The following COL15A1 variants were observed in gnomAD, a reference collection of about 807,000 sequenced individuals.
COL15A1 encodes collagen alpha-1(XV) chain.
A neutral mutation model predicts 165.9 loss-of-function variants in COL15A1; 111 were observed. The ratio of observed to expected loss-of-function variants is 0.67; its 90% CI spans 0.57 to 0.78. COL15A1 has a LOEUF of 0.78. Ranked by LOEUF, COL15A1 falls within the 30% of genes least tolerant of loss-of-function variation. The pLI, the probability that COL15A1 is intolerant of heterozygous loss-of-function variation, is 0.00. For synonymous variants in COL15A1, 659 were observed against 674.8 expected, an observed-to-expected ratio of 0.98 and a Z score of 0.36; for missense variants, 1,745 against 1,789.7, an observed-to-expected ratio of 0.98 and a Z score of 0.45.
intron 2 of COL15A1, among the ~76,000 whole-genome samples, chr9:98,968,274 A>C (rs1185058149): frequency 6.6e-6 from 1 of 152,242 alleles, no homozygotes; most frequent in Non-Finnish European, 1.5e-5. Context: ...TGAATGTGTG[A>C]GTTTCCTAGG....
intron 2 of COL15A1, among the ~76,000 whole-genome samples, chr9:98,968,605 C>G (rs1169855474): frequency 6.6e-6 from 1 of 152,180 alleles, no homozygotes; most frequent in African/African-American, 2.4e-5. Flanking sequence ...GCAGGATGAT[C>G]TTTTTATCTC....
At chr9:98,976,194 TGAATTG>T (rs1838140069) in intron 2 of COL15A1, among the ~76,000 whole-genome samples, 1 of 152,170 alleles carries the variant, frequency 6.6e-6, no homozygotes, top group Admixed American at 6.5e-5. Context: ...ATCAAATTCA[TGAATTG>T]GAAAAGTAAG....
At chr9:99,024,742 C>T in intron 14 of COL15A1, 132 bp from the exon 15 acceptor site, 2 of 1,002,490 alleles carry the variant, frequency 2.0e-6, no homozygotes, top group Non-Finnish European at 2.9e-6. Context: ...TTATTTTCCG[C>T]ATCTGCTAAG....
In COL15A1 at chr9:98,996,298, C is replaced by A. The variant is rs569148901; in HGVS notation, c.805-636C>A. Among the ~76,000 whole-genome samples, 10 of 152,302 alleles carry A rather than the reference C, an allele frequency of 6.6e-5. No homozygotes were observed. The East Asian group carries it at 1.9e-3, about 29-fold the overall frequency. On this transcript the variant is annotated intron_variant, in intron 5 of 41. Transcript: ENST00000375001. ...GAATGCTGACAAGCGCTGGGTCCCGCGAGCTGCTGCTTGGGTCCAGGGGTG... is the reference window on the plus strand; with the variant it reads ...GAATGCTGACAAGCGCTGGGTCCCGAGAGCTGCTGCTTGGGTCCAGGGGTG...
At chr9:99,022,867 G>A (rs1285529147) in intron 13 of COL15A1, among the ~76,000 whole-genome samples, 1 of 152,236 alleles carries the variant, frequency 6.6e-6, no homozygotes, top group African/African-American at 2.4e-5. Context: ...CTCTCTGGGT[G>A]CTCGGCCTCC....
intron 2 of COL15A1, among the ~76,000 whole-genome samples, chr9:98,958,205 G>A (rs764049690): frequency 1.3e-5 from 2 of 152,240 alleles, no homozygotes; most frequent in African/African-American, 2.4e-5. Flanking sequence ...CTGGGCCTCA[G>A]TTTCCCCATC....
chr9:98,962,820 G>A (rs770722697), intron 2 of COL15A1, among the ~76,000 whole-genome samples: 4 of 152,152 alleles, frequency 2.6e-5, no homozygotes, highest in African/African-American at 4.8e-5. Flanking sequence ...AGATGGAGAT[G>A]GTCACTGCCC....
rs550047085 is a variant in COL15A1, at chr9:99,054,824, G to A, written c.3031+168G>A. Among the ~76,000 whole-genome samples the A allele has an allele frequency of 7.4e-4, 113 of 152,300 alleles. No individual in the cohort carries two copies. In the South Asian group the frequency reaches 0.011, roughly 15 times the overall value. ...AAGCATGGGCCTGGCATGTCCAATA[G>A]GGAACATTGTCAAGAGAGACCAGAA... On this transcript the variant is annotated intron_variant, in intron 32 of 41. Coordinates refer to ENST00000375001, the MANE Select transcript of COL15A1 (RefSeq NM_001855.5).
chr9:98,953,761 G>C (rs1207669287), intron 2 of COL15A1, among the ~76,000 whole-genome samples: 1 of 152,128 alleles, frequency 6.6e-6, no homozygotes, highest in East Asian at 1.9e-4. Context: ...CTGGCCTTAG[G>C]CCTCTCTAGG....
rs534014462 is a variant in COL15A1 at position 98,971,834 on chromosome 9, G to A, written c.101-13731G>A. On this transcript the variant is annotated intron_variant, in intron 2 of 41. Coordinates refer to ENST00000375001, the MANE Select transcript of COL15A1 (RefSeq NM_001855.5). ...GTCACCCCATGCTCTCAGCAGAGCCGGGTCACAGGATGGGGGAGCCACCCC... is the reference window on the plus strand; with the variant it reads ...GTCACCCCATGCTCTCAGCAGAGCCAGGTCACAGGATGGGGGAGCCACCCC... Among the ~76,000 whole-genome samples the A allele has an allele frequency of 5.9e-5, 9 of 152,310 alleles. No individual in the cohort carries two copies. In the East Asian group the frequency reaches 1.2e-3, roughly 20 times the overall value.
Position 99,023,431 on chromosome 9 carries a change from C to A in COL15A1, c.1836C>A (p.Gly612=). 1 of 1,430,736 alleles carries A rather than the reference C, an allele frequency of 7.0e-7. No individual in the cohort carries two copies. The highest frequency in any genetic ancestry group is 9.9e-7 in the Non-Finnish European group (1 of 1,013,760). 88.6% of individuals were successfully genotyped at this position (1,430,736 alleles called of 1,614,324 possible). Residue 612 remains glycine (G), a synonymous_variant, in exon 14 of 42, where the codon GGC becomes GGA. Coordinates refer to ENST00000375001, the MANE Select transcript of COL15A1 (RefSeq NM_001855.5). ...GCTCTGGCTCTGGTGACCTGGTGGGCAGTGAGCAGCTGCTGAGAGTGAGTG... is the reference window on the plus strand; with the variant it reads ...GCTCTGGCTCTGGTGACCTGGTGGGAAGTGAGCAGCTGCTGAGAGTGAGTG... The part of the protein sequence containing the change: ...DVGSGSGDLV[G]SEQLLRGPPG...
At chr9:98,979,978 G>A (rs951785627) in intron 2 of COL15A1, among the ~76,000 whole-genome samples, 3 of 152,018 alleles carry the variant, frequency 2.0e-5, no homozygotes, top group Non-Finnish European at 2.9e-5. Context: ...GCAATATAGC[G>A]AGACCCTGTC....
chr9:98,984,274 T>A (rs1838274517), intron 2 of COL15A1, among the ~76,000 whole-genome samples: 2 of 152,214 alleles, frequency 1.3e-5, no homozygotes, highest in African/African-American at 2.4e-5. Context: ...GTACCTTGGA[T>A]GTCAACTCAG....
Position 98,959,188 on chromosome 9 carries a change from C to CG in COL15A1, c.100+14939dup, listed in dbSNP as rs1037350599. On this transcript the variant is annotated intron_variant, in intron 2 of 41. Transcript: ENST00000375001. ...GGAGGATCTCTTGAAGCCAGGAGTT[C>CG]GAGACCAGCCTAGGCAACATAGTGA... Among the ~76,000 whole-genome samples, 3 of 131,596 alleles carry CG rather than the reference C, an allele frequency of 2.3e-5. No individual in the cohort carries two copies. The Admixed American group carries it at 2.7e-4, about 12-fold the overall frequency. 86.3% of individuals were successfully genotyped at this position (131,596 alleles called of 152,430 possible).
chr9:99,024,202 A>G (rs888558569), intron 14 of COL15A1, among the ~76,000 whole-genome samples: 1 of 152,052 alleles, frequency 6.6e-6, no homozygotes, highest in Non-Finnish European at 1.5e-5. Flanking sequence ...CAGCCAACCC[A>G]GCAATGGGCT....
intron 2 of COL15A1, among the ~76,000 whole-genome samples, chr9:98,970,056 A>G (rs1008008555): frequency 3.3e-5 from 5 of 152,078 alleles, no homozygotes; most frequent in African/African-American, 1.2e-4. Context: ...AAAAAAAAAA[A>G]AAAAAGTCTC....
Position 99,063,066 on chromosome 9 carries a change from C to T in COL15A1, c.3608C>T (p.Pro1203Leu). The T allele has an allele frequency of 6.3e-7, 1 of 1,590,138 alleles. No homozygotes were observed. The highest frequency in any genetic ancestry group is 8.5e-7 in the Non-Finnish European group (1 of 1,172,318). ...TCATAACAGCCACATCAGCTTCTGC[C>T]TCCACCAAACCCTATTTCAAGTGCC... ...ALSSNPHQLL[P>L]PPNPISSANY... Residue 1203 changes from proline (P) to leucine (L), a missense_variant, in exon 39 of 42, where the codon CCT becomes CTT. Coordinates refer to ENST00000375001, the MANE Select transcript of COL15A1 (RefSeq NM_001855.5).
intron 35 of COL15A1, among the ~76,000 whole-genome samples, chr9:99,058,429 C>T (rs1423729334): frequency 6.6e-6 from 1 of 152,048 alleles, no homozygotes; most frequent in Non-Finnish European, 1.5e-5. Context: ...GAAGAAGGTG[C>T]CGAGTGTATG....
rs747464228 is a variant in COL15A1, at chr9:99,006,260, A to G, written c.1353+1210A>G. Among the ~76,000 whole-genome samples the G allele has an allele frequency of 8.5e-4, 129 of 152,366 alleles. 1 individual carries two copies. Among genetic ancestry groups the G allele is most frequent in the Middle Eastern group, 3.4e-3 (1 of 294 alleles). On this transcript the variant is annotated intron_variant, in intron 9 of 41. Transcript: ENST00000375001. ...TGATAATGAACTTGGCAAATAGTTC[A>G]TGTCTGGCTCCCTACCAGAATGTAA...
Sources: allele counts gnomAD v4.1 joint callset (sites outside exome capture counted in the v4.1 genomes callset), GRCh38; gene constraint gnomAD v4.1.1; transcripts MANE v1.5; gene names NCBI Gene and HGNC (gene_info 2026-07-23, HGNC 2026-07-21).